The following CDH6 variants were observed in gnomAD, a reference collection of about 807,000 sequenced individuals.
CDH6 encodes the protein cadherin 6.
In CDH6, 31 loss-of-function variants were observed where a neutral mutation model predicts 78.0. The ratio of observed to expected loss-of-function variants is 0.40; its 90% CI spans 0.30 to 0.54. The LOEUF is 0.54. Among genes scored for constraint, CDH6 ranks in the 20% least tolerant of loss-of-function variants. The probability of loss-of-function intolerance (pLI) is 0.56; values close to 1 mark genes in which losing one functional copy is unlikely to be tolerated. For synonymous variants in CDH6, 376 were observed against 368.8 expected, an observed-to-expected ratio of 1.02 and a Z score of -0.23; for missense variants, 724 against 975.9, an observed-to-expected ratio of 0.74 and a Z score of 3.44.
intron 1 of CDH6, among the ~76,000 whole-genome samples, chr5:31,252,041 G>A (rs1353696266): frequency 6.6e-6 from 1 of 152,158 alleles, no homozygotes; most frequent in African/African-American, 2.4e-5. Context: ...AAAAATTGGA[G>A]CCTTTAATGC....
chr5:31,322,988 G>A lies in CDH6; in HGVS notation c.2053G>A (p.Asp685Asn), dbSNP rs768215600. The A allele has an allele frequency of 1.9e-6, 3 of 1,614,120 alleles. No individual in the cohort carries two copies. The Admixed American group carries it at 5.0e-5, about 27-fold the overall frequency. ...GTLRNPEAIEDNKLRRDIVPE... is the reference protein window; with the variant it reads ...GTLRNPEAIENNKLRRDIVPE... ...CCTGAGGAATCCTGAAGCCATAGAGGACAACAAATTACGAAGGGACATTGT... is the reference window on the plus strand; with the variant it reads ...CCTGAGGAATCCTGAAGCCATAGAGAACAACAAATTACGAAGGGACATTGT... Residue 685 changes from aspartate to asparagine, a missense_variant, in exon 12 of 12, where the codon GAC becomes AAC. Transcript: ENST00000265071.
chr5:31,215,056 T>C (rs917978159), intron 1 of CDH6, among the ~76,000 whole-genome samples: 1 of 152,222 alleles, frequency 6.6e-6, no homozygotes, highest in Admixed American at 6.5e-5. Flanking sequence ...TTAACATTAG[T>C]ATATTTTCAA....
At chr5:31,243,191 T>C (rs549158780) in intron 1 of CDH6, among the ~76,000 whole-genome samples, 1 of 152,288 alleles carries the variant, frequency 6.6e-6, no homozygotes, top group East Asian at 1.9e-4. Flanking sequence ...CTGGGTCTGA[T>C]TTTGTAATTA....
At chr5:31,248,814 T>C (rs1299534815) in intron 1 of CDH6, among the ~76,000 whole-genome samples, 1 of 152,188 alleles carries the variant, frequency 6.6e-6, no homozygotes, top group Non-Finnish European at 1.5e-5. Context: ...GAAAAGGATT[T>C]ATGTTGGCCC....
intron 1 of CDH6, among the ~76,000 whole-genome samples, chr5:31,218,883 G>C (rs150703865): frequency 6.6e-6 from 1 of 152,068 alleles, no homozygotes; most frequent in Non-Finnish European, 1.5e-5. Context: ...CTACCACTTC[G>C]CTCTTTCCTA....
chr5:31,305,804 GTTA>G (rs764890543), intron 7 of CDH6, among the ~76,000 whole-genome samples: 30 of 152,148 alleles, frequency 2.0e-4, no homozygotes, highest in Non-Finnish European at 4.0e-4. Context: ...TATGTAAATA[GTTA>G]TTATCTTGAT....
At chr5:31,200,634 G>A (rs762095969) in intron 1 of CDH6, among the ~76,000 whole-genome samples, 11 of 146,482 alleles carry the variant, frequency 7.5e-5, no homozygotes, top group South Asian at 4.4e-4. Context: ...GAAAACAATC[G>A]CCACAAAAGC....
intron 3 of CDH6, among the ~76,000 whole-genome samples, chr5:31,295,625 G>A (rs188369445): frequency 9.3e-4 from 142 of 152,200 alleles, no homozygotes; most frequent in African/African-American, 3.1e-3. Flanking sequence ...TTATAGAAAG[G>A]CATCTTCGAG....
chr5:31,287,477 T>C (rs1743040866), intron 2 of CDH6, among the ~76,000 whole-genome samples: 1 of 152,188 alleles, frequency 6.6e-6, no homozygotes. Context: ...GCATCTTACA[T>C]ACATTATTTT....
At position 31,327,258 on chromosome 5, in the gene CDH6, C is replaced by T. The variant is rs1308612278; in HGVS notation, c.*3950C>T. ...AAAATCAAAGTTGATTCCTGGGTGC[C>T]AACTAAATATTCAAATCAGGTACTC... On this transcript the variant is annotated 3_prime_UTR_variant, in exon 12 of 12. Coordinates refer to ENST00000265071, the MANE Select transcript of CDH6 (RefSeq NM_004932.4). The T allele has an allele frequency of 5.3e-6, 1 of 187,806 alleles. No homozygotes were observed. The highest frequency in any genetic ancestry group is 1.1e-5 in the Non-Finnish European group (1 of 89,202). 11.6% of individuals were successfully genotyped at this position (187,806 alleles called of 1,614,324 possible).
chr5:31,295,573 T>C (rs1737560782), intron 3 of CDH6, among the ~76,000 whole-genome samples: 3 of 152,186 alleles, frequency 2.0e-5, no homozygotes, highest in Non-Finnish European at 4.4e-5. Context: ...GACACAGTTA[T>C]GGTGACATTG....
rs770261779 is a variant in CDH6 at position 31,322,868 on chromosome 5, T to A, written c.1933T>A (p.Leu645Met). ...GAGGCGGCAGCGAAAAAAAGAGCCT[T>A]TGATCATTTCCAAAGAGGACATCAG... The part of the protein sequence containing the change: ...ALRRQRKKEP[L>M]IISKEDIRDN... Residue 645 changes from leucine (L) to methionine (M), a missense_variant, in exon 12 of 12, where the codon TTG (leucine) becomes ATG (methionine). Leu to Met is a conservative substitution (Grantham distance 15). Transcript: ENST00000265071. 1.9e-6 allele frequency: 3 copies of A among 1,614,134 alleles called. No homozygotes were observed. Among genetic ancestry groups the A allele is most frequent in the Non-Finnish European group, 2.5e-6 (3 of 1,180,000 alleles).
rs1554007417 is a variant in CDH6 at position 31,269,283 on chromosome 5, C to CA, written c.228+1582_228+1583insA. The stretch of plus-strand genomic sequence containing the variant: ...ATATTCTTAAAAAAAAAAAAAAAAG[C>CA]GGGGGGGGCAGGTTATTTCAGGATA... On this transcript the variant is annotated intron_variant, in intron 2 of 11. Transcript: ENST00000265071. Among the ~76,000 whole-genome samples the CA allele has an allele frequency of 3.5e-4, 31 of 89,642 alleles. No homozygotes were observed. The Admixed American group carries it at 3.7e-3, about 11-fold the overall frequency. The allele number at this position is 89,642 out of a possible 152,430, so 58.8% of individuals were successfully genotyped here.
chr5:31,205,422 C>T (rs975739051), intron 1 of CDH6, among the ~76,000 whole-genome samples: 2 of 152,304 alleles, frequency 1.3e-5, no homozygotes, highest in East Asian at 3.9e-4. Flanking sequence ...CAGCCCTCAC[C>T]TTCCTCCAGG....
At chr5:31,243,914 A>G (rs1189007921) in intron 1 of CDH6, among the ~76,000 whole-genome samples, 2 of 152,186 alleles carry the variant, frequency 1.3e-5, no homozygotes, top group Non-Finnish European at 2.9e-5. Flanking sequence ...TATAAATACT[A>G]TTTTTAAAGG....
chr5:31,295,865 A>G (rs371602415), intron 3 of CDH6, among the ~76,000 whole-genome samples: 171 of 152,320 alleles, frequency 1.1e-3, no homozygotes, highest in African/African-American at 3.6e-3. Flanking sequence ...AGTCCCTAGT[A>G]CAATATCTGG....
chr5:31,286,563 A>G (rs975800412), intron 2 of CDH6, among the ~76,000 whole-genome samples: 1 of 152,120 alleles, frequency 6.6e-6, no homozygotes, highest in Non-Finnish European at 1.5e-5. Flanking sequence ...TTAAGGGGAG[A>G]ACGATGGCTG....
Position 31,223,630 on chromosome 5 carries a change from A to G in CDH6, c.-129+29744A>G, listed in dbSNP as rs182497391. 1.6e-3 allele frequency among the ~76,000 whole-genome samples: 238 copies of G among 152,236 alleles called. 1 individual carries two copies. Among genetic ancestry groups the G allele is most frequent in the African/African-American group, 5.5e-3 (227 of 41,538 alleles). ...AATGATTTGTCTTTTGTTAATTTCT[A>G]TTAACATTACATTTTGGTTCCGGTG... On this transcript the variant is annotated intron_variant, in intron 1 of 11. Coordinates refer to ENST00000265071, the MANE Select transcript of CDH6 (RefSeq NM_004932.4).
At chr5:31,206,205 A>T (rs973924302) in intron 1 of CDH6, among the ~76,000 whole-genome samples, 3 of 152,236 alleles carry the variant, frequency 2.0e-5, no homozygotes, top group African/African-American at 7.2e-5. Context: ...ATGGATACAT[A>T]GAAAATAGAC....
Sources: allele counts gnomAD v4.1 joint callset (sites outside exome capture counted in the v4.1 genomes callset), GRCh38; gene constraint gnomAD v4.1.1; transcripts MANE v1.5; gene names NCBI Gene and HGNC (gene_info 2026-07-23, HGNC 2026-07-21).